Variants in IL1RAPL1 observed in about 807,000 individuals in gnomAD.
The protein encoded by IL1RAPL1 is interleukin-1 receptor accessory protein-like 1.
A neutral mutation model predicts 48.4 loss-of-function variants in IL1RAPL1; 3 were observed. The observed-to-expected ratio is 0.06, with a 90% CI of 0.03 to 0.16. The LOEUF (loss-of-function observed/expected upper bound fraction) is 0.16, where lower values mean the gene tolerates loss of function less well. Ranked by LOEUF, IL1RAPL1 falls within the 10% of genes least tolerant of loss-of-function variation. The pLI, the probability that IL1RAPL1 is intolerant of heterozygous loss-of-function variation, is 1.00. For missense variants in IL1RAPL1, 349 were observed against 530.6 expected (o/e 0.66, Z 3.36); for synonymous variants, 185 against 187.7 (o/e 0.99, Z 0.12).
intron 1 of IL1RAPL1, among the ~76,000 whole-genome samples, chrX:28,695,130 A>G (rs1451818357): frequency 1.8e-5 from 2 of 111,741 alleles, no homozygotes. Flanking sequence ...AGCCATTGTC[A>G]TTTGACAAAC....
intron 2 of IL1RAPL1, among the ~76,000 whole-genome samples, chrX:29,080,744 C>CT (rs759930481): frequency 0.012 from 1,168 of 96,891 alleles, 22 homozygotes; most frequent in African/African-American, 0.035. Flanking sequence ...CAAGCAAATA[C>CT]TTTTTTTTTT....
At chrX:29,735,403 A>C (rs772307191) in intron 6 of IL1RAPL1, among the ~76,000 whole-genome samples, 63 of 111,591 alleles carry the variant, frequency 5.6e-4, no homozygotes, top group Non-Finnish European at 9.0e-4. Flanking sequence ...TCCATCTGCT[A>C]TCTTAATTAC....
intron 1 of IL1RAPL1, among the ~76,000 whole-genome samples, chrX:28,759,659 A>C (rs1325897504): frequency 8.9e-6 from 1 of 111,961 alleles, no homozygotes; most frequent in Non-Finnish European, 1.9e-5. Context: ...GAAATACATA[A>C]ATATTATTTT....
At chrX:28,897,722 G>C (rs1400393010) in intron 2 of IL1RAPL1, among the ~76,000 whole-genome samples, 2 of 112,083 alleles carry the variant, frequency 1.8e-5, no homozygotes, top group African/African-American at 6.5e-5. Context: ...TTTCACTCGC[G>C]TCTGTGTGAA....
chrX:29,903,627 T>G (rs1054576061), intron 6 of IL1RAPL1, among the ~76,000 whole-genome samples: 24 of 111,990 alleles, frequency 2.1e-4, no homozygotes, highest in African/African-American at 7.8e-4. Context: ...GATACCCAGT[T>G]AGAACTGTGC....
chrX:28,897,681 C>A, intron 2 of IL1RAPL1, among the ~76,000 whole-genome samples: 1 of 111,874 alleles, frequency 8.9e-6, no homozygotes, highest in Middle Eastern at 4.7e-3. Flanking sequence ...AAGGGAGTTC[C>A]CCCCTCCCCG....
At chrX:29,009,127 G>A (rs1255447156) in intron 2 of IL1RAPL1, among the ~76,000 whole-genome samples, 1 of 112,329 alleles carries the variant, frequency 8.9e-6, no homozygotes, top group Non-Finnish European at 1.9e-5. Context: ...GTTCTCACTT[G>A]TAAGTGGTTG....
At chrX:28,868,507 A>G (rs1443022683) in intron 2 of IL1RAPL1, among the ~76,000 whole-genome samples, 2 of 110,069 alleles carry the variant, frequency 1.8e-5, no homozygotes, top group Non-Finnish European at 3.8e-5. Flanking sequence ...CCCCTTCTCC[A>G]TTTCTATAAC....
At chrX:29,216,325 G>C (rs1930868469) in intron 2 of IL1RAPL1, among the ~76,000 whole-genome samples, 1 of 110,602 alleles carries the variant, frequency 9.0e-6, no homozygotes, top group Non-Finnish European at 1.9e-5. Context: ...TAGTAGCTGG[G>C]ACTACAGGCA....
rs751989492 is a variant in IL1RAPL1, at chrX:29,899,416, A to G, written c.779-18048A>G. Among the ~76,000 whole-genome samples, 5 of 111,769 alleles carry G rather than the reference A, an allele frequency of 4.5e-5. No individual in the cohort carries two copies. In the East Asian group the frequency reaches 1.4e-3, roughly 31 times the overall value. ...TTCAAGTGATTTTAAAGACACCAAT[A>G]TTAGAATGGACTGAGACAGGAGATA... On this transcript the variant is annotated intron_variant, in intron 6 of 10. Transcript: ENST00000378993.
chrX:28,967,406 A>G (rs887215660), intron 2 of IL1RAPL1, among the ~76,000 whole-genome samples: 1 of 110,726 alleles, frequency 9.0e-6, no homozygotes, highest in Admixed American at 9.7e-5. Context: ...TTACCCTTAT[A>G]TCTACATACT....
chrX:29,546,621 TA>T lies in IL1RAPL1; in HGVS notation c.704-121804del, dbSNP rs774380112. On this transcript the variant is annotated intron_variant, in intron 5 of 10. Coordinates refer to ENST00000378993, the MANE Select transcript of IL1RAPL1 (RefSeq NM_014271.4). The stretch of plus-strand genomic sequence containing the variant: ...TCTTCCTGTCATTTTTCCCAGTCTC[TA>T]AAAACTGTGATCAATCCATTCCCCT... Among the ~76,000 whole-genome samples the T allele has an allele frequency of 8.9e-5, 10 of 111,783 alleles. No homozygotes were observed. The South Asian group carries it at 1.5e-3, about 17-fold the overall frequency.
chrX:29,517,176 T>G (rs888481373), intron 5 of IL1RAPL1, among the ~76,000 whole-genome samples: 1 of 110,950 alleles, frequency 9.0e-6, no homozygotes, highest in Non-Finnish European at 1.9e-5. Flanking sequence ...TTTACTAGGG[T>G]TTATAGCTTA....
intron 9 of IL1RAPL1, among the ~76,000 whole-genome samples, chrX:29,948,585 G>T (rs1450667223): frequency 9.0e-6 from 1 of 111,255 alleles, no homozygotes; most frequent in African/African-American, 3.3e-5. Context: ...GACATAAGAA[G>T]AAATGTGACT....
Position 29,816,954 on chromosome X carries a change from A to G in IL1RAPL1, c.779-100510A>G, listed in dbSNP as rs1241421324. On this transcript the variant is annotated intron_variant, in intron 6 of 10. Transcript: ENST00000378993. ...TGTGCTTTTTAGCTCTCTCTGTTAT[A>G]TATATCCTCTACTTTATGTGTGTGT... is the stretch of plus-strand genomic sequence containing the variant. 2.7e-5 allele frequency among the ~76,000 whole-genome samples: 3 copies of G among 109,802 alleles called. No homozygotes were observed. In the East Asian group the frequency reaches 8.5e-4, roughly 31 times the overall value.
chrX:28,795,889 A>T (rs1280465092), intron 2 of IL1RAPL1, among the ~76,000 whole-genome samples: 2 of 111,211 alleles, frequency 1.8e-5, no homozygotes, highest in Non-Finnish European at 3.8e-5. Flanking sequence ...TGTTCGTATT[A>T]TTCCATTTTC....
At chrX:28,866,353 C>T (rs1352477580) in intron 2 of IL1RAPL1, among the ~76,000 whole-genome samples, 10 of 111,222 alleles carry the variant, frequency 9.0e-5, no homozygotes, top group Non-Finnish European at 1.9e-4. Flanking sequence ...AAGAATGATA[C>T]AGTGGACCTT....
chrX:29,934,015 A>T (rs749835830), intron 8 of IL1RAPL1, among the ~76,000 whole-genome samples: 1 of 110,659 alleles, frequency 9.0e-6, no homozygotes, highest in Non-Finnish European at 1.9e-5. Flanking sequence ...AATAAACAAA[A>T]CTAACTCTGA....
intron 5 of IL1RAPL1, among the ~76,000 whole-genome samples, chrX:29,479,730 C>T (rs1326338063): frequency 9.1e-6 from 1 of 110,292 alleles, no homozygotes; most frequent in Non-Finnish European, 1.9e-5. Flanking sequence ...TTTGCATCCT[C>T]ATAGCTTAGC....
Sources: gnomAD v4.1 joint callset for allele counts (sites outside exome capture counted in the v4.1 genomes callset) on GRCh38, gnomAD v4.1.1 for gene constraint, MANE v1.5 for transcripts, NCBI Gene and HGNC (gene_info 2026-07-23, HGNC 2026-07-21) for gene names.